Variants in TAF8 observed in about 807,000 individuals in gnomAD.
The protein encoded by TAF8 is TATA-box binding protein associated factor 8.
Under a neutral mutation model 36.5 loss-of-function variants are expected in TAF8, and 47 were observed. The observed-to-expected ratio is 1.29, with a 90% CI of 1.02 to 1.64. The LOEUF (loss-of-function observed/expected upper bound fraction) is 1.64, where lower values mean the gene tolerates loss of function less well. Among genes scored for constraint, TAF8 ranks in the 40% most tolerant of loss-of-function variants. The probability of loss-of-function intolerance (pLI) is 0.00; values close to 1 mark genes in which losing one functional copy is unlikely to be tolerated. For synonymous variants in TAF8, 175 were observed against 159.5 expected (o/e 1.10, Z -0.73); for missense variants, 420 against 407.6 (o/e 1.03, Z -0.26).
downstream of TAF8, among the ~76,000 whole-genome samples, chr6:42,085,647 A>T (rs1766014260): frequency 6.6e-6 from 1 of 150,640 alleles, no homozygotes; most frequent in African/African-American, 2.4e-5. Context: ...ACATGGCAAG[A>T]CCCCTATCTC....
Position 42,078,294 on chromosome 6 carries a change from G to T in TAF8, c.*749G>T. 2.0e-6 allele frequency: 2 copies of T among 985,478 alleles called. No individual in the cohort carries two copies. Among genetic ancestry groups the T allele is most frequent in the Non-Finnish European group, 2.4e-6 (2 of 829,962 alleles). The allele number at this position is 985,478 out of a possible 1,614,324, so 61.0% of individuals were successfully genotyped here. A position where few individuals can be genotyped will look rare whatever the true frequency, so the allele number is the denominator to read the frequency against. On this transcript the variant is annotated 3_prime_UTR_variant, in exon 9 of 9. Coordinates refer to ENST00000372977, the MANE Select transcript of TAF8 (RefSeq NM_138572.3). ...TTCCTTTGAAACTCAAGAGACCAGG[G>T]AAAGTGACAGGAAGGAAAGGGCTCT...
intron 2 of TAF8, among the ~76,000 whole-genome samples, chr6:42,053,154 A>G (rs542623069): frequency 6.6e-6 from 1 of 152,300 alleles, no homozygotes; most frequent in South Asian, 2.1e-4. Context: ...AGCCTCCCAC[A>G]TAGCTGGGAC....
At chr6:42,052,555 C>G (rs1001511579) in intron 2 of TAF8, among the ~76,000 whole-genome samples, 1 of 152,186 alleles carries the variant, frequency 6.6e-6, no homozygotes, top group African/African-American at 2.4e-5. Context: ...CTCCTGACCT[C>G]AGGTGATCCA....
At chr6:42,057,771 A>C in intron 5 of TAF8, 1 of 316,090 alleles carries the variant, frequency 3.2e-6, no homozygotes. Context: ...AAATAAATAA[A>C]TAAAGAAAAA....
chr6:42,086,168 G>T (rs1766021893), downstream of TAF8, among the ~76,000 whole-genome samples: 1 of 152,212 alleles, frequency 6.6e-6, no homozygotes, highest in African/African-American at 2.4e-5. Context: ...AGCAGCCTGA[G>T]CAGACTAGGA....
In TAF8 at chr6:42,078,721, A is replaced by G. The variant is rs889331526; in HGVS notation, c.*1176A>G. ...CCCTGTGAGGAATGTGTGCTTGGGAACTGCCAAGTCTTACCCCTTCTGGAA... is the reference window on the plus strand; with the variant it reads ...CCCTGTGAGGAATGTGTGCTTGGGAGCTGCCAAGTCTTACCCCTTCTGGAA... On this transcript the variant is annotated 3_prime_UTR_variant, in exon 9 of 9. Transcript: ENST00000372977. The G allele has an allele frequency of 6.1e-6, 6 of 985,352 alleles. No individual in the cohort carries two copies. Among genetic ancestry groups the G allele is most frequent in the Non-Finnish European group, 7.2e-6 (6 of 829,964 alleles). The allele number at this position is 985,352 out of a possible 1,614,324, so 61.0% of individuals were successfully genotyped here. A position where few individuals can be genotyped will look rare whatever the true frequency, so the allele number is the denominator to read the frequency against.
Position 42,079,682 on chromosome 6 carries a change from G to A in TAF8, c.*2137G>A, listed in dbSNP as rs1444077087. 2.8e-6 allele frequency: 2 copies of A among 727,224 alleles called. No homozygotes were observed. The highest frequency in any genetic ancestry group is 3.4e-6 in the Non-Finnish European group (2 of 595,080). 45.0% of individuals were successfully genotyped at this position (727,224 alleles called of 1,614,324 possible). On this transcript the variant is annotated 3_prime_UTR_variant, in exon 9 of 9. Transcript: ENST00000372977. ...GGTTCAAGCAATTCTCAGAGTAGCT[G>A]GGATTACAGATGCCCGCCACCACAT...
chr6:42,060,856 T>C (rs925577574), intron 5 of TAF8, among the ~76,000 whole-genome samples: 2 of 152,338 alleles, frequency 1.3e-5, no homozygotes, highest in Non-Finnish European at 2.9e-5. Context: ...ACAAATAGTT[T>C]CCAAATTCTG....
downstream of TAF8, among the ~76,000 whole-genome samples, chr6:42,085,428 C>T (rs1366665676): frequency 2.0e-5 from 3 of 152,146 alleles, no homozygotes; most frequent in African/African-American, 7.2e-5. Context: ...ATGTTTGTGT[C>T]CCCTCAACAT....
rs1242767138 is a variant in TAF8 at position 42,082,952 on chromosome 6, T to C, written c.*5407T>C. The C allele has an allele frequency of 6.6e-6, 1 of 152,198 alleles. No individual in the cohort carries two copies. The highest frequency in any genetic ancestry group is 1.9e-4 in the East Asian group (1 of 5,190). 9.4% of individuals were successfully genotyped at this position (152,198 alleles called of 1,614,324 possible). A position where few individuals can be genotyped will look rare whatever the true frequency, so the allele number is the denominator to read the frequency against. On this transcript the variant is annotated 3_prime_UTR_variant, in exon 9 of 9. Coordinates refer to ENST00000372977, the MANE Select transcript of TAF8 (RefSeq NM_138572.3). ...CTCCTCTTGGAGCGTGTGGCCTACC[T>C]CATCTCCATTTGATTACTAGCTTTT...
Position 42,079,594 on chromosome 6 carries a change from G to T in TAF8, c.*2049G>T. 2 of 981,370 alleles carry T rather than the reference G, an allele frequency of 2.0e-6. No homozygotes were observed. The highest frequency in any genetic ancestry group is 2.4e-6 in the Non-Finnish European group (2 of 826,488). The allele number at this position is 981,370 out of a possible 1,614,324, so 60.8% of individuals were successfully genotyped here. ...TCCTTTTATTTTGAGACAGGGTCTC[G>T]CTGTGTCGCCCCAGCTGGAGTATAG... On this transcript the variant is annotated 3_prime_UTR_variant, in exon 9 of 9. Coordinates refer to ENST00000372977, the MANE Select transcript of TAF8 (RefSeq NM_138572.3).
At chr6:42,074,721 G>C (rs1307677741) in intron 7 of TAF8, among the ~76,000 whole-genome samples, 1 of 152,066 alleles carries the variant, frequency 6.6e-6, no homozygotes, top group East Asian at 1.9e-4. Context: ...ATTTTTAGTA[G>C]AGGCAGGGTT....
At chr6:42,069,638 A>G (rs554801633) in intron 7 of TAF8, among the ~76,000 whole-genome samples, 1 of 152,260 alleles carries the variant, frequency 6.6e-6, no homozygotes, top group Non-Finnish European at 1.5e-5. Flanking sequence ...GTTAAGTTTG[A>G]GATGCTTGTT....
In TAF8 at chr6:42,077,667, G is replaced by A. The variant is rs772263430; in HGVS notation, c.*122G>A. On this transcript the variant is annotated 3_prime_UTR_variant, in exon 9 of 9. Coordinates refer to ENST00000372977, the MANE Select transcript of TAF8 (RefSeq NM_138572.3). The stretch of plus-strand genomic sequence containing the variant: ...CAAGCCGAGGCTGCAGGGTGTGATC[G>A]GACATGATTTTCATGGCAAACCGTC... 67 of 1,522,570 alleles carry A rather than the reference G, an allele frequency of 4.4e-5. No individual in the cohort carries two copies. Among genetic ancestry groups the A allele is most frequent in the Non-Finnish European group, 5.1e-5 (58 of 1,137,196 alleles). 94.3% of individuals were successfully genotyped at this position (1,522,570 alleles called of 1,614,324 possible).
At position 42,078,405 on chromosome 6, in the gene TAF8, T is replaced by C; in HGVS notation, c.*860T>C. 1.0e-6 allele frequency: 1 copy of C among 985,498 alleles called. No individual in the cohort carries two copies. Among genetic ancestry groups the C allele is most frequent in the Middle Eastern group, 5.2e-4 (1 of 1,914 alleles). The allele number at this position is 985,498 out of a possible 1,614,324, so 61.0% of individuals were successfully genotyped here. On this transcript the variant is annotated 3_prime_UTR_variant, in exon 9 of 9. Transcript: ENST00000372977. ...ATCCCTTTTATTGACTCACAATTTGTGGCACCACTTTCTCATCCCAGAACT... is the reference window on the plus strand; with the variant it reads ...ATCCCTTTTATTGACTCACAATTTGCGGCACCACTTTCTCATCCCAGAACT...
chr6:42,062,265 T>C (rs187070702), intron 5 of TAF8, among the ~76,000 whole-genome samples: 1 of 152,340 alleles, frequency 6.6e-6, no homozygotes, highest in Admixed American at 6.5e-5. Context: ...ATAAACTTTT[T>C]AGAACCCTTT....
rs1329919610 is a variant in TAF8, at chr6:42,079,507, A to T, written c.*1962A>T. 5.1e-6 allele frequency: 5 copies of T among 985,304 alleles called. No individual in the cohort carries two copies. In the East Asian group the frequency reaches 4.5e-4, roughly 89 times the overall value. 61.0% of individuals were successfully genotyped at this position (985,304 alleles called of 1,614,324 possible). On this transcript the variant is annotated 3_prime_UTR_variant, in exon 9 of 9. Coordinates refer to ENST00000372977, the MANE Select transcript of TAF8 (RefSeq NM_138572.3). ...ACTGGATGAATAAGCTTGTTTCCCA[A>T]ATTAGAATCCTAACGTCCATATTTA...
At chr6:42,062,033 T>C (rs1765207890) in intron 5 of TAF8, among the ~76,000 whole-genome samples, 1 of 152,200 alleles carries the variant, frequency 6.6e-6, no homozygotes, top group Non-Finnish European at 1.5e-5. Context: ...CAACTGAATC[T>C]GTCTCTTCTC....
At chr6:42,067,186 C>T (rs1054257871) in intron 6 of TAF8, among the ~76,000 whole-genome samples, 2 of 152,296 alleles carry the variant, frequency 1.3e-5, no homozygotes, top group Non-Finnish European at 2.9e-5. Context: ...CTGCAGGACC[C>T]CACATCTGAC....
Sources: gnomAD v4.1 joint callset for allele counts (sites outside exome capture counted in the v4.1 genomes callset) on GRCh38, gnomAD v4.1.1 for gene constraint, MANE v1.5 for transcripts, NCBI Gene and HGNC (gene_info 2026-07-23, HGNC 2026-07-21) for gene names.